NPHP4: variants seen among roughly 807,000 people sequenced by gnomAD.
NPHP4 encodes the protein nephrocystin-4.
In NPHP4, 151 loss-of-function variants were observed where a neutral mutation model predicts 155.8. That is an observed-to-expected ratio of 0.97 (90% CI 0.85 to 1.11). NPHP4 has a LOEUF of 1.11. Among genes scored for constraint, NPHP4 ranks in the 50% least tolerant of loss-of-function variants. NPHP4 has a pLI of 0.00. For synonymous variants in NPHP4, 845 were observed against 816.8 expected (o/e 1.03, Z -0.59); for missense variants, 1,956 against 1,925.7 (o/e 1.02, Z -0.29).
intron 12 of NPHP4, among the ~76,000 whole-genome samples, chr1:5,908,374 T>C (rs550443566): frequency 1.3e-5 from 2 of 152,364 alleles, no homozygotes; most frequent in East Asian, 3.9e-4. Flanking sequence ...ACACTAAAGC[T>C]GCTTCCTTGG....
At chr1:5,979,704 G>T (rs1654330846) in intron 2 of NPHP4, among the ~76,000 whole-genome samples, 2 of 151,926 alleles carry the variant, frequency 1.3e-5, no homozygotes, top group African/African-American at 4.8e-5. Flanking sequence ...TGTACTTTTT[G>T]TAGAGAGTGG....
At chr1:5,975,396 G>C (rs910739627) in intron 3 of NPHP4, among the ~76,000 whole-genome samples, 2 of 152,210 alleles carry the variant, frequency 1.3e-5, no homozygotes, top group African/African-American at 4.8e-5. Context: ...CAGACAGCAG[G>C]CTCCATGAAT....
chr1:5,979,337 G>A lies in NPHP4; in HGVS notation c.136-924C>T, dbSNP rs112171122. Among the ~76,000 whole-genome samples the A allele has an allele frequency of 2.1e-3, 315 of 152,004 alleles. 1 individual carries two copies. Among genetic ancestry groups the A allele is most frequent in the African/African-American group, 6.7e-3 (279 of 41,384 alleles). On this transcript the variant is annotated intron_variant, in intron 2 of 29. Transcript: ENST00000378156. ...GAACGGGGAGAGAGGTGGGTGGGGC[G>A]GGGCAGGGCAGGGCAGGGCAGGCTC...
chr1:5,961,726 T>C, intron 6 of NPHP4, 68 bp downstream of exon 6: 4 of 1,506,522 alleles, frequency 2.7e-6, no homozygotes, highest in South Asian at 1.2e-5. Context: ...GCCCAGTGCC[T>C]TCAAGGTTTC....
intron 11 of NPHP4, among the ~76,000 whole-genome samples, chr1:5,925,075 T>C (rs867146394): frequency 6.6e-6 from 1 of 152,228 alleles, no homozygotes; most frequent in South Asian, 2.1e-4. Context: ...GGGCAAACTA[T>C]GTTTATTATG....
intron 2 of NPHP4, among the ~76,000 whole-genome samples, chr1:5,984,420 G>C (rs1655161331): frequency 6.6e-6 from 1 of 152,094 alleles, no homozygotes; most frequent in African/African-American, 2.4e-5. Context: ...TGTGGTCCCA[G>C]CTACTTGGGA....
intron 1 of NPHP4, among the ~76,000 whole-genome samples, chr1:5,989,102 C>A (rs574758207): frequency 6.6e-6 from 1 of 152,244 alleles, no homozygotes; most frequent in Non-Finnish European, 1.5e-5. Context: ...CAAGGAGGAA[C>A]ACATGGCCCA....
Position 5,884,438 on chromosome 1 carries a change from C to T in NPHP4, c.2485+2848G>A, listed in dbSNP as rs148059526. Among the ~76,000 whole-genome samples, 366 of 151,994 alleles carry T rather than the reference C, an allele frequency of 2.4e-3. 2 individuals carry two copies. Among genetic ancestry groups the T allele is most frequent in the African/African-American group, 8.2e-3 (340 of 41,418 alleles). ...ACACACAAGCTCCCAGCCGAACCCC[C>T]GTCCTACTCGACAACCAAGATCACT... On this transcript the variant is annotated intron_variant, in intron 18 of 29. Coordinates refer to ENST00000378156, the MANE Select transcript of NPHP4 (RefSeq NM_015102.5).
At chr1:5,909,934 GCAACC>G (rs570454104) in intron 11 of NPHP4, among the ~76,000 whole-genome samples, 19 of 152,264 alleles carry the variant, frequency 1.2e-4, no homozygotes, top group Middle Eastern at 3.4e-3. Flanking sequence ...TGCTGCTTCT[GCAACC>G]CCTCCCCAGG....
In NPHP4 at chr1:5,867,236, T is replaced by A. The variant is rs761653605; in HGVS notation, c.3473-121A>T. The stretch of plus-strand genomic sequence containing the variant: ...CGTCACAGGTGCTCAGCAAGACACC[T>A]GCTGGGGAAACGGACGCCGCCACCT... On this transcript the variant is annotated intron_variant, in intron 24 of 29. Transcript: ENST00000378156. This position sits in a 1 kb window ranked among gnomAD's most constrained non-coding sequence, Gnocchi z 4.1. 4.8e-5 allele frequency: 35 copies of A among 723,766 alleles called. No individual in the cohort carries two copies. The Middle Eastern group carries it at 9.6e-4, about 20-fold the overall frequency. 44.8% of individuals were successfully genotyped at this position (723,766 alleles called of 1,614,324 possible).
At chr1:5,937,837 G>A (rs1646624745) in intron 9 of NPHP4, among the ~76,000 whole-genome samples, 1 of 152,204 alleles carries the variant, frequency 6.6e-6, no homozygotes, top group Admixed American at 6.5e-5. Flanking sequence ...AAAAAAGAGA[G>A]AGAAATGTAG....
intron 18 of NPHP4, chr1:5,886,578 G>A: frequency 6.6e-6 from 1 of 152,320 alleles, no homozygotes; most frequent in Non-Finnish European, 1.5e-5. Flanking sequence ...ACCCTCGGGA[G>A]GTTCAGTGAG....
At chr1:5,878,289 G>A (rs1557629916) in intron 19 of NPHP4, among the ~76,000 whole-genome samples, 1 of 152,242 alleles carries the variant, frequency 6.6e-6, no homozygotes, top group East Asian at 1.9e-4. Flanking sequence ...CAGTGCCACT[G>A]TCAGGTCCCT....
chr1:5,978,294 C>T lies in NPHP4; in HGVS notation c.255G>A (p.Pro85=), dbSNP rs753738829. The T allele has an allele frequency of 6.8e-6, 11 of 1,608,010 alleles. No homozygotes were observed. The highest frequency in any genetic ancestry group is 1.7e-4 in the Middle Eastern group (1 of 6,050). ...WKTTVKPTKR[P]PSRIVFNEPL... is the part of the protein sequence containing the mutation. ...CCTCATTAAAGACGATCCTGGACGG[C>T]GGTCTCTTCGTCGGCTTCACTGTGG... The change falls in exon 3 of 30, where the codon CCG becomes CCA. Residue 85 remains proline (P), a synonymous_variant. Transcript: ENST00000378156.
In NPHP4 at chr1:5,889,265, G is replaced by A. The variant is rs553295836; in HGVS notation, c.2304+1603C>T. On this transcript the variant is annotated intron_variant, in intron 17 of 29. Transcript: ENST00000378156. This position sits in a 1 kb window ranked among gnomAD's most constrained non-coding sequence, Gnocchi z 4.2. Reference sequence around the variant, plus strand: ...AACAAGATGAAAGCTGGCCCCGCCTGCAGAAAGTAAGTCCACCAAAGGCTA... The same window carrying A: ...AACAAGATGAAAGCTGGCCCCGCCTACAGAAAGTAAGTCCACCAAAGGCTA... 3.3e-4 allele frequency among the ~76,000 whole-genome samples: 51 copies of A among 152,340 alleles called. No homozygotes were observed. Among genetic ancestry groups the A allele is most frequent in the African/African-American group, 1.2e-3 (49 of 41,580 alleles).
intron 7 of NPHP4, among the ~76,000 whole-genome samples, chr1:5,949,456 C>T (rs1647509476): frequency 6.6e-6 from 1 of 151,984 alleles, no homozygotes. Context: ...ATGTGCCAAA[C>T]ACCGTTCATG....
At chr1:5,874,738 C>T (rs1004926589) in intron 21 of NPHP4, 81 bp from the exon 22 acceptor site, 147 of 1,533,300 alleles carry the variant, frequency 9.6e-5, no homozygotes, top group South Asian at 2.1e-4. Context: ...CCACCGAGAG[C>T]GGTGCTCAGA....
intron 2 of NPHP4, among the ~76,000 whole-genome samples, chr1:5,985,543 T>C (rs546716287): frequency 5.9e-5 from 9 of 152,262 alleles, no homozygotes; most frequent in African/African-American, 1.9e-4. Flanking sequence ...TGCTGAGCCA[T>C]GCACAAGGCC....
intron 11 of NPHP4, 121 bp downstream of exon 11, chr1:5,927,528 T>C: frequency 9.1e-7 from 1 of 1,103,536 alleles, no homozygotes; most frequent in East Asian, 2.4e-5. Context: ...ATTAATGCAA[T>C]CTACGACGAT....
Sources: allele counts gnomAD v4.1 joint callset (sites outside exome capture counted in the v4.1 genomes callset), GRCh38; gene constraint gnomAD v4.1.1; non-coding constraint Gnocchi (gnomAD v3.1); transcripts MANE v1.5; gene names NCBI Gene and HGNC (gene_info 2026-07-23, HGNC 2026-07-21).